DCAF5: variants seen among roughly 807,000 people sequenced by gnomAD.
DCAF5 encodes the protein DDB1 and CUL4 associated factor 5, also known as DDB1- and CUL4-associated factor 5.
Under a neutral mutation model 80.7 loss-of-function variants are expected in DCAF5, and 9 were observed. The ratio of observed to expected loss-of-function variants is 0.11; its 90% CI spans 0.07 to 0.19. DCAF5 has a LOEUF of 0.19. DCAF5 is among the 10% of genes least tolerant of loss of function. The pLI is 1.00. For missense variants in DCAF5, 842 were observed against 1,205.7 expected, an observed-to-expected ratio of 0.70 and a Z score of 4.47; for synonymous variants, 433 against 461.9, an observed-to-expected ratio of 0.94 and a Z score of 0.80.
At chr14:69,073,108 A>C (rs762546126) in intron 7 of DCAF5, among the ~76,000 whole-genome samples, 16 of 152,250 alleles carry the variant, frequency 1.1e-4, no homozygotes, top group Non-Finnish European at 1.3e-4. Context: ...AGATGTATTC[A>C]GTTAATCCAT....
chr14:69,089,939 G>A (rs558828465), intron 6 of DCAF5: 1 of 985,406 alleles, frequency 1.0e-6, no homozygotes, highest in East Asian at 1.1e-4. Context: ...CCATGGTCTA[G>A]GTGCTTACAT....
At chr14:69,068,554 T>C (rs1416320082) in intron 7 of DCAF5, among the ~76,000 whole-genome samples, 1 of 151,950 alleles carries the variant, frequency 6.6e-6, no homozygotes, top group African/African-American at 2.4e-5. Flanking sequence ...CAAAATTAGC[T>C]GGGCATGCTG....
chr14:69,132,722 T>TAGCAC lies in DCAF5; in HGVS notation c.215-10367_215-10363dup, dbSNP rs36214589. 2.0e-5 allele frequency among the ~76,000 whole-genome samples: 3 copies of TAGCAC among 152,240 alleles called. No homozygotes were observed. In the South Asian group the frequency reaches 6.2e-4, roughly 32 times the overall value. The stretch of plus-strand genomic sequence containing the variant: ...AGAGGTGATATAATGTGGGGCAGCA[T>TAGCAC]AGCACAGCACAGCATTCAAAACCAC... On this transcript the variant is annotated intron_variant, in intron 1 of 8. Coordinates refer to ENST00000341516, the MANE Select transcript of DCAF5 (RefSeq NM_003861.3).
chr14:69,088,793 T>A (rs149535268), intron 6 of DCAF5, among the ~76,000 whole-genome samples: 1 of 152,080 alleles, frequency 6.6e-6, no homozygotes, highest in African/African-American at 2.4e-5. Context: ...TAAAGCCCAA[T>A]ATAAGGAAAA....
intron 6 of DCAF5, among the ~76,000 whole-genome samples, chr14:69,078,076 G>A (rs960489121): frequency 8.5e-5 from 13 of 152,168 alleles, no homozygotes; most frequent in Non-Finnish European, 1.3e-4. Flanking sequence ...GCCAGCCCAA[G>A]TGATTTGATA....
At chr14:69,091,080 T>A (rs1364521987) in intron 6 of DCAF5, 2 of 755,258 alleles carry the variant, frequency 2.6e-6, no homozygotes, top group Non-Finnish European at 4.9e-6. Context: ...TAAGTCAACA[T>A]CAGCATCTCC....
intron 6 of DCAF5, chr14:69,084,819 G>A: frequency 9.3e-7 from 1 of 1,075,212 alleles, no homozygotes; most frequent in Non-Finnish European, 1.4e-6. Context: ...ACACTATTGT[G>A]TACAGATGTG....
chr14:69,081,860 T>C (rs867158417), intron 6 of DCAF5, among the ~76,000 whole-genome samples: 26 of 152,300 alleles, frequency 1.7e-4, no homozygotes, highest in African/African-American at 4.3e-4. Context: ...TTACTATTCA[T>C]TGAGTACTGA....
intron 6 of DCAF5, chr14:69,084,086 G>A: frequency 1.3e-6 from 1 of 790,948 alleles, no homozygotes. Context: ...TTCTCATCCT[G>A]CAGCTGAACT....
At chr14:69,104,496 G>A (rs2040065442) in intron 5 of DCAF5, among the ~76,000 whole-genome samples, 1 of 152,104 alleles carries the variant, frequency 6.6e-6, no homozygotes, top group Non-Finnish European at 1.5e-5. Flanking sequence ...ATCAGCATAA[G>A]CTAGAATATA....
At chr14:69,105,289 T>C (rs2040098346) in intron 5 of DCAF5, among the ~76,000 whole-genome samples, 1 of 152,218 alleles carries the variant, frequency 6.6e-6, no homozygotes, top group South Asian at 2.1e-4. Flanking sequence ...TCCATATATG[T>C]ATAATGTATA....
intron 1 of DCAF5, among the ~76,000 whole-genome samples, chr14:69,138,017 AG>A (rs1397789009): frequency 6.6e-6 from 1 of 152,068 alleles, no homozygotes; most frequent in Non-Finnish European, 1.5e-5. Flanking sequence ...CCCACAGATG[AG>A]GGGGGACTAC....
chr14:69,066,381 C>T (rs964279232), intron 7 of DCAF5, among the ~76,000 whole-genome samples: 3 of 152,068 alleles, frequency 2.0e-5, no homozygotes, highest in Admixed American at 6.5e-5. Flanking sequence ...ATAATCTGCC[C>T]GCCTTGGCCT....
intron 8 of DCAF5, among the ~76,000 whole-genome samples, chr14:69,059,763 T>C (rs2038133154): frequency 1.3e-5 from 2 of 152,138 alleles, no homozygotes; most frequent in South Asian, 4.1e-4. Context: ...CTCCAGAGCT[T>C]TTTGCTTTCC....
chr14:69,066,597 T>C (rs942697683), intron 7 of DCAF5, among the ~76,000 whole-genome samples: 1 of 152,188 alleles, frequency 6.6e-6, no homozygotes, highest in African/African-American at 2.4e-5. Flanking sequence ...TCTCACAGAA[T>C]TTCAGTATCA....
intron 1 of DCAF5, among the ~76,000 whole-genome samples, chr14:69,138,866 C>A (rs1324377494): frequency 1.3e-5 from 2 of 152,140 alleles, no homozygotes; most frequent in African/African-American, 4.8e-5. Flanking sequence ...CATTCTAGGG[C>A]CAGGCACAGT....
intron 6 of DCAF5, among the ~76,000 whole-genome samples, chr14:69,080,287 A>C (rs1431584201): frequency 3.9e-5 from 6 of 152,208 alleles, no homozygotes; most frequent in South Asian, 2.1e-4. Flanking sequence ...GGCGCTGCTG[A>C]TGGTTAGTGC....
chr14:69,067,337 CTTTTTTTTTTT>C (rs58620965), intron 7 of DCAF5, among the ~76,000 whole-genome samples: 110 of 115,102 alleles, frequency 9.6e-4, no homozygotes, highest in Non-Finnish European at 1.2e-3. Flanking sequence ...GATTTCGTAT[CTTTTTTTTTTT>C]TTTTTTTTTT....
At chr14:69,107,677 C>G (rs947103696) in intron 5 of DCAF5, among the ~76,000 whole-genome samples, 3 of 152,122 alleles carry the variant, frequency 2.0e-5, no homozygotes, top group Admixed American at 1.3e-4. Flanking sequence ...CATTCAAAGC[C>G]CAGCAAGAAA....
Sources: allele counts gnomAD v4.1 joint callset (sites outside exome capture counted in the v4.1 genomes callset), GRCh38; gene constraint gnomAD v4.1.1; transcripts MANE v1.5; gene names NCBI Gene and HGNC (gene_info 2026-07-23, HGNC 2026-07-21).